The following RNF150 variants were observed in gnomAD, a reference collection of about 807,000 sequenced individuals.
The protein encoded by RNF150 is ring finger protein 150.
RNF150 carries 24 observed loss-of-function variants against 39.3 expected under a neutral mutation model. That is an observed-to-expected ratio of 0.61 (90% CI 0.44 to 0.86). RNF150 has a LOEUF of 0.86. Ranked by LOEUF, RNF150 falls within the 40% of genes least tolerant of loss-of-function variation. The probability of loss-of-function intolerance (pLI) is 0.00; values close to 1 mark genes in which losing one functional copy is unlikely to be tolerated. For synonymous variants in RNF150, 255 were observed against 227.3 expected (o/e 1.12, Z -1.10); for missense variants, 502 against 587.8 (o/e 0.85, Z 1.51).
chr4:140,891,966 C>A (rs1729768771), intron 6 of RNF150, among the ~76,000 whole-genome samples: 1 of 152,188 alleles, frequency 6.6e-6, no homozygotes, highest in African/African-American at 2.4e-5. Flanking sequence ...GAAAGCACCA[C>A]CGTCCCCCCA....
intron 1 of RNF150, among the ~76,000 whole-genome samples, chr4:141,171,460 AAGAGAGAG>A (rs67118049): frequency 0.037 from 5,531 of 148,856 alleles, 135 homozygotes; most frequent in African/African-American, 0.054. Context: ...GACAGACAGA[AAGAGAGAG>A]AGAGAGAGAG....
At position 140,910,978 on chromosome 4, in the gene RNF150, G is replaced by T; in HGVS notation, c.1198+166C>A. 9 of 633,474 alleles carry T rather than the reference G, an allele frequency of 1.4e-5. No homozygotes were observed. The South Asian group carries it at 1.8e-4, about 13-fold the overall frequency. 39.2% of individuals were successfully genotyped at this position (633,474 alleles called of 1,614,324 possible). A position where few individuals can be genotyped will look rare whatever the true frequency, so the allele number is the denominator to read the frequency against. ...GCCAGGTGGGCTGTCTGCCCTGCTG[G>T]CTCTAGGAAAGGCAGTTCTTCTAAC... On this transcript the variant is annotated intron_variant, in intron 6 of 6. Transcript: ENST00000515673.
intron 1 of RNF150, among the ~76,000 whole-genome samples, chr4:141,186,084 T>C (rs1344232579): frequency 6.6e-6 from 1 of 152,234 alleles, no homozygotes; most frequent in Non-Finnish European, 1.5e-5. Flanking sequence ...TTCTATTGTT[T>C]GGAATAGTTT....
rs1435633466 is a variant in RNF150, at chr4:141,148,425, C to T, written c.-6+64369G>A. ...GTCAGTAACTGCCCCTGGACAACAG[C>T]TTTAGCAGGTTCTTAAAGCTTTTCA... On this transcript the variant is annotated intron_variant, in intron 1 of 7. Coordinates refer to the RNF150 transcript ENST00000420921. Among the ~76,000 whole-genome samples the T allele has an allele frequency of 2.0e-5, 3 of 152,058 alleles. No homozygotes were observed. The East Asian group carries it at 5.8e-4, about 29-fold the overall frequency.
chr4:140,869,513 G>A (rs1354705995), intron 6 of RNF150, among the ~76,000 whole-genome samples: 1 of 152,124 alleles, frequency 6.6e-6, no homozygotes, highest in Non-Finnish European at 1.5e-5. Flanking sequence ...TAGAGGCTAT[G>A]GATATAGGGG....
At chr4:140,889,319 A>C (rs1390825839) in intron 6 of RNF150, among the ~76,000 whole-genome samples, 2 of 152,206 alleles carry the variant, frequency 1.3e-5, no homozygotes, top group African/African-American at 4.8e-5. Context: ...CTATTCTCAC[A>C]CCTTTCAGAA....
intron 1 of RNF150, chr4:141,053,662 A>G (rs60653888): frequency 1.5e-6 from 2 of 1,366,866 alleles, no homozygotes; most frequent in Admixed American, 2.9e-5. Context: ...AGGCTAAAGC[A>G]TACCTGAGGA....
At chr4:141,077,803 T>C (rs1230178990) in intron 1 of RNF150, among the ~76,000 whole-genome samples, 2 of 152,258 alleles carry the variant, frequency 1.3e-5, no homozygotes, top group African/African-American at 4.8e-5. Context: ...CCTGTGCCCA[T>C]GCTGAAGGCA....
intron 1 of RNF150, among the ~76,000 whole-genome samples, chr4:141,163,198 T>G (rs1329028288): frequency 6.6e-6 from 1 of 152,220 alleles, no homozygotes; most frequent in Non-Finnish European, 1.5e-5. Flanking sequence ...AAGTTTGAAC[T>G]GGGCAGAGCC....
At chr4:141,207,486 T>C (rs930668601) in intron 1 of RNF150, among the ~76,000 whole-genome samples, 10 of 152,050 alleles carry the variant, frequency 6.6e-5, no homozygotes, top group African/African-American at 2.4e-4. Flanking sequence ...GTGGACAGCC[T>C]CTGAGAGCAA....
intron 6 of RNF150, among the ~76,000 whole-genome samples, chr4:140,904,993 G>A (rs1489849377): frequency 6.6e-6 from 1 of 152,154 alleles, no homozygotes; most frequent in Admixed American, 6.5e-5. Context: ...ATTAGAGAAA[G>A]CAAATCCTTG....
intron 1 of RNF150, among the ~76,000 whole-genome samples, chr4:141,038,322 C>A (rs182414033): frequency 6.6e-6 from 1 of 152,238 alleles, no homozygotes; most frequent in East Asian, 1.9e-4. Context: ...AGGACTTAAT[C>A]CAAGAAATCA....
chr4:140,975,308 T>C (rs1276395756), intron 1 of RNF150, among the ~76,000 whole-genome samples: 4 of 152,124 alleles, frequency 2.6e-5, no homozygotes. Context: ...GAAACCTAGC[T>C]ATACGAAAGG....
At chr4:141,211,441 G>T (rs1348520715) in intron 1 of RNF150, among the ~76,000 whole-genome samples, 1 of 152,082 alleles carries the variant, frequency 6.6e-6, no homozygotes, top group African/African-American at 2.4e-5. Context: ...TCTGATAGTA[G>T]ATATTTTTCA....
intron 1 of RNF150, among the ~76,000 whole-genome samples, chr4:141,120,927 A>C (rs1726585159): frequency 6.6e-6 from 1 of 152,168 alleles, no homozygotes; most frequent in Admixed American, 6.5e-5. Flanking sequence ...GGGGGCAGGA[A>C]GGGAAGCTGA....
At chr4:140,998,518 A>G (rs1032538186) in intron 1 of RNF150, among the ~76,000 whole-genome samples, 1 of 152,216 alleles carries the variant, frequency 6.6e-6, no homozygotes, top group African/African-American at 2.4e-5. Context: ...TGTTTAGGCT[A>G]CCCAGACTGT....
intron 1 of RNF150, among the ~76,000 whole-genome samples, chr4:141,057,753 T>G (rs1737041095): frequency 6.6e-6 from 1 of 152,088 alleles, no homozygotes; most frequent in South Asian, 2.1e-4. Flanking sequence ...CTGCTCTTCT[T>G]TACTTCACAC....
intron 4 of RNF150, among the ~76,000 whole-genome samples, chr4:140,940,511 T>C (rs1275062944): frequency 6.6e-6 from 1 of 152,116 alleles, no homozygotes; most frequent in Non-Finnish European, 1.5e-5. Context: ...TTGGAAGACA[T>C]GGAAAACCCA....
intron 1 of RNF150, among the ~76,000 whole-genome samples, chr4:141,042,741 T>A (rs1272927783): frequency 1.3e-5 from 2 of 152,118 alleles, no homozygotes; most frequent in Non-Finnish European, 2.9e-5. Flanking sequence ...CTTCATTTTC[T>A]AGTATTCACA....
Sources: allele counts gnomAD v4.1 joint callset (sites outside exome capture counted in the v4.1 genomes callset), GRCh38; gene constraint gnomAD v4.1.1; transcripts MANE v1.5; gene names NCBI Gene and HGNC (gene_info 2026-07-23, HGNC 2026-07-21).